The following RIIAD1 variants were observed in gnomAD, a reference collection of about 807,000 sequenced individuals.
RIIAD1 encodes the protein RIIa domain-containing protein 1.
A neutral mutation model predicts 13.3 loss-of-function variants in RIIAD1; 15 were observed. The observed-to-expected ratio is 1.13, with a 90% CI of 0.76 to 1.74. The LOEUF is 1.74. Ranked by LOEUF, RIIAD1 falls within the 40% of genes most tolerant of loss-of-function variation. The pLI, the probability that RIIAD1 is intolerant of heterozygous loss-of-function variation, is 0.00. For synonymous variants in RIIAD1, 50 were observed against 43.3 expected (o/e 1.16, Z -0.61); for missense variants, 121 against 112.2 (o/e 1.08, Z -0.35).
chr1:151,712,814 T>TA (rs1673134866), intron 2 of RIIAD1, among the ~76,000 whole-genome samples: 5 of 152,048 alleles, frequency 3.3e-5, no homozygotes, highest in African/African-American at 1.2e-4. Context: ...TCTGATTTTT[T>TA]TAAAAAAACC....
exon 2 of RIIAD1, chr1:151,711,933 G>A (rs1211381303): frequency 1.3e-5 from 2 of 152,238 alleles, no homozygotes; most frequent in Non-Finnish European, 2.9e-5. Flanking sequence ...AAATACCCAC[G>A]GCTGATGTGG....
At chr1:151,721,072 T>C (rs1232241529), upstream of RIIAD1, among the ~76,000 whole-genome samples, 2 of 152,162 alleles carry the variant, frequency 1.3e-5, no homozygotes, top group African/African-American at 2.4e-5. Context: ...CACTCTATGT[T>C]CTGGGGTGCT....
At chr1:151,714,439 T>C (rs1673285731) in exon 4 of RIIAD1, 10 of 708,528 alleles carry the variant, frequency 1.4e-5, no homozygotes, top group Non-Finnish European at 2.6e-5. Flanking sequence ...AATGCATGCA[T>C]CTACAGCAAG....
chr1:151,719,484 A>T (rs1571947156), upstream of RIIAD1: 3 of 596,778 alleles, frequency 5.0e-6, no homozygotes, highest in South Asian at 6.2e-5. Context: ...TTCTTAGGAA[A>T]TGAGAAATGC....
intron 2 of RIIAD1, among the ~76,000 whole-genome samples, chr1:151,722,528 C>T (rs903298403): frequency 6.6e-6 from 1 of 152,136 alleles, no homozygotes; most frequent in African/African-American, 2.4e-5. Flanking sequence ...ACCAGCGTAT[C>T]CTGGAATATG....
At chr1:151,716,523 G>A (rs567225446), upstream of RIIAD1, 1 of 326,524 alleles carries the variant, frequency 3.1e-6, no homozygotes, top group South Asian at 2.4e-5. Flanking sequence ...TGAATCTCTC[G>A]TTGGCTTCCC....
chr1:151,727,691 C>T, intron 3 of RIIAD1, 70 bp downstream of exon 3: 1 of 1,039,348 alleles, frequency 9.6e-7, no homozygotes, highest in South Asian at 1.4e-5. Flanking sequence ...TGAGTTTAGA[C>T]TTGAATGAGC....
At chr1:151,721,483 C>A, upstream of RIIAD1, 1 of 1,122,196 alleles carries the variant, frequency 8.9e-7, no homozygotes, top group Non-Finnish European at 1.2e-6. Context: ...CAGGGCGGGG[C>A]CGGGGGCGGG....
chr1:151,715,577 C>A, intron 4 of RIIAD1: 3 of 1,378,146 alleles, frequency 2.2e-6, no homozygotes, highest in Non-Finnish European at 2.9e-6. Flanking sequence ...GCTCTCTTGT[C>A]CCTCCATTCT....
At chr1:151,723,678 C>T (rs1389419004) in intron 2 of RIIAD1, among the ~76,000 whole-genome samples, 2 of 152,130 alleles carry the variant, frequency 1.3e-5, no homozygotes, top group Admixed American at 6.5e-5. Flanking sequence ...CCAGCCTGGG[C>T]GACAGAGCAA....
In RIIAD1 at chr1:151,725,942, C is replaced by T. The variant is rs1673822175; in HGVS notation, c.162-1633C>T. On this transcript the variant is annotated intron_variant, in intron 2 of 4. Transcript: ENST00000479191. ...CCAGACCACATTTCTGCTCATTCTG[C>T]TGACCCTATGGAGCTCAGGCACAGA... is the stretch of plus-strand genomic sequence containing the variant. Among the ~76,000 whole-genome samples, 4 of 152,214 alleles carry T rather than the reference C, an allele frequency of 2.6e-5. No individual in the cohort carries two copies. The South Asian group carries it at 8.3e-4, about 32-fold the overall frequency.
chr1:151,716,145 C>A, intron 4 of RIIAD1: 1 of 974,496 alleles, frequency 1.0e-6, no homozygotes, highest in Non-Finnish European at 1.5e-6. Context: ...TCCCTTTGGC[C>A]CCCAACCACG....
chr1:151,722,831 G>C (rs1192911681), intron 2 of RIIAD1, among the ~76,000 whole-genome samples: 1 of 152,208 alleles, frequency 6.6e-6, no homozygotes, highest in Non-Finnish European at 1.5e-5. Flanking sequence ...CTTGTGGAGT[G>C]TGTTTGTGTT....
At chr1:151,712,648 C>T (rs1254125903) in intron 2 of RIIAD1, among the ~76,000 whole-genome samples, 2 of 152,226 alleles carry the variant, frequency 1.3e-5, no homozygotes, top group Non-Finnish European at 1.5e-5. Flanking sequence ...CCTGGGAACT[C>T]TTAGGGGAGA....
upstream of RIIAD1, chr1:151,716,878 A>G: frequency 4.6e-6 from 2 of 439,246 alleles, no homozygotes; most frequent in South Asian, 3.3e-5. Flanking sequence ...CAGGGGTCGA[A>G]TACAAATTCT....
In RIIAD1 at chr1:151,729,708, G is replaced by A. The variant is rs934696061; in HGVS notation, c.*278G>A. ...GCAGCCGGCCTGTTTCTGCTTTCAG[G>A]GCGGCCAGGGGCCTCTTGCTGGGTC... On this transcript the variant is annotated 3_prime_UTR_variant, in exon 5 of 5. Transcript: ENST00000479191. 8 of 152,284 alleles carry A rather than the reference G, an allele frequency of 5.3e-5. No homozygotes were observed. The highest frequency in any genetic ancestry group is 1.9e-4 in the African/African-American group (8 of 41,480). 9.4% of individuals were successfully genotyped at this position (152,284 alleles called of 1,614,324 possible).
chr1:151,714,307 A>C, intron 3 of RIIAD1: 1 of 581,950 alleles, frequency 1.7e-6, no homozygotes, highest in Non-Finnish European at 3.0e-6. Context: ...CCAACCAGCG[A>C]GTCCTCCCTC....
rs1169509037 is a variant in RIIAD1 at position 151,726,969 on chromosome 1, C to T, written c.162-606C>T. Among the ~76,000 whole-genome samples, 9 of 152,300 alleles carry T rather than the reference C, an allele frequency of 5.9e-5. No individual in the cohort carries two copies. In the East Asian group the frequency reaches 1.7e-3, roughly 29 times the overall value. On this transcript the variant is annotated intron_variant, in intron 2 of 4. Coordinates refer to ENST00000479191, the MANE Select transcript of RIIAD1 (RefSeq NM_001144956.3). ...ATGTTCTTCATCTTTGCCTCTTGCC[C>T]CTGGCTTGAGATCTGGTTCAGTGAA...
chr1:151,715,823 C>T, intron 4 of RIIAD1: 4 of 1,593,792 alleles, frequency 2.5e-6, no homozygotes, highest in Non-Finnish European at 3.4e-6. Context: ...GGCTTAACTT[C>T]CCCCAGCCTC....
Sources: gnomAD v4.1 joint callset for allele counts (sites outside exome capture counted in the v4.1 genomes callset) on GRCh38, gnomAD v4.1.1 for gene constraint, MANE v1.5 for transcripts, NCBI Gene and HGNC (gene_info 2026-07-23, HGNC 2026-07-21) for gene names.